The following SORCS1 variants were observed in gnomAD, a reference collection of about 807,000 sequenced individuals.
SORCS1 encodes VPS10 domain-containing receptor SorCS1.
Under a neutral mutation model 146.1 loss-of-function variants are expected in SORCS1, and 60 were observed. The observed-to-expected ratio is 0.41, with a 90% CI of 0.33 to 0.51. The LOEUF is 0.51. Ranked by LOEUF, SORCS1 falls within the 20% of genes least tolerant of loss-of-function variation. The pLI is 0.21. For synonymous variants in SORCS1, 637 were observed against 584.0 expected, an observed-to-expected ratio of 1.09 and a Z score of -1.31; for missense variants, 1,352 against 1,487.6, an observed-to-expected ratio of 0.91 and a Z score of 1.50.
intron 1 of SORCS1, among the ~76,000 whole-genome samples, chr10:107,089,558 G>A (rs1165835401): frequency 6.6e-6 from 1 of 152,072 alleles, no homozygotes; most frequent in African/African-American, 2.4e-5. Flanking sequence ...TCTCACTGCT[G>A]TATCCTCATC....
intron 5 of SORCS1, among the ~76,000 whole-genome samples, chr10:106,751,034 G>A: frequency 7.9e-6 from 1 of 127,034 alleles, no homozygotes; most frequent in Non-Finnish European, 1.6e-5. Flanking sequence ...ACTCCAGCCT[G>A]GGCGACAGGG....
chr10:106,715,668 T>G (rs1170728630), intron 6 of SORCS1, among the ~76,000 whole-genome samples: 1 of 152,200 alleles, frequency 6.6e-6, no homozygotes, highest in Non-Finnish European at 1.5e-5. Context: ...GGTATTTAAG[T>G]CCTCTCTCTG....
intron 24 of SORCS1, among the ~76,000 whole-genome samples, chr10:106,590,858 T>C (rs2133269556): frequency 6.6e-6 from 1 of 152,302 alleles, no homozygotes; most frequent in South Asian, 2.1e-4. Flanking sequence ...TTTCACCGTG[T>C]TGGTCAGGCT....
At chr10:106,710,089 TA>T in intron 6 of SORCS1, among the ~76,000 whole-genome samples, 1 of 152,318 alleles carries the variant, frequency 6.6e-6, no homozygotes, top group East Asian at 1.9e-4. Flanking sequence ...CATCTAATGA[TA>T]AAAATGATGT....
At chr10:106,920,643 C>T (rs920696571) in intron 2 of SORCS1, among the ~76,000 whole-genome samples, 7 of 152,164 alleles carry the variant, frequency 4.6e-5, no homozygotes, top group African/African-American at 1.4e-4. Context: ...CAACTTGCCG[C>T]CTTGCTCCAG....
intron 1 of SORCS1, among the ~76,000 whole-genome samples, chr10:107,029,076 C>T (rs1958530870): frequency 1.3e-5 from 2 of 152,162 alleles, no homozygotes; most frequent in Admixed American, 1.3e-4. Context: ...CTTAACTTTG[C>T]TTTAGTGGGA....
chr10:106,697,388 G>A (rs571678361), intron 9 of SORCS1, among the ~76,000 whole-genome samples: 3 of 151,932 alleles, frequency 2.0e-5, no homozygotes, highest in South Asian at 2.1e-4. Flanking sequence ...CCCAGGAGGC[G>A]GAGATTGCAG....
At chr10:106,697,749 C>T (rs1269174063) in intron 9 of SORCS1, among the ~76,000 whole-genome samples, 1 of 152,084 alleles carries the variant, frequency 6.6e-6, no homozygotes, top group East Asian at 1.9e-4. Context: ...ATATTTTAAG[C>T]AACGAAACTG....
At chr10:106,882,057 G>A (rs1170893774) in intron 2 of SORCS1, among the ~76,000 whole-genome samples, 1 of 152,252 alleles carries the variant, frequency 6.6e-6, no homozygotes, top group East Asian at 1.9e-4. Flanking sequence ...AGTTGCTTCT[G>A]AGTTATTATT....
chr10:106,735,362 T>C (rs191427246), intron 5 of SORCS1, among the ~76,000 whole-genome samples: 23 of 152,266 alleles, frequency 1.5e-4, no homozygotes, highest in African/African-American at 5.5e-4. Context: ...GCTACATAAT[T>C]ACTGCACTTA....
chr10:106,620,260 G>C, intron 20 of SORCS1, 168 bp downstream of exon 20: 1 of 743,246 alleles, frequency 1.3e-6, no homozygotes. Flanking sequence ...GAGAGAGAGA[G>C]AGAGAGAACA....
At chr10:106,708,686 T>C (rs1026159193) in intron 7 of SORCS1, among the ~76,000 whole-genome samples, 2 of 152,186 alleles carry the variant, frequency 1.3e-5, no homozygotes, top group African/African-American at 4.8e-5. Flanking sequence ...TTTATTCTAA[T>C]CACAGTTGGT....
At chr10:106,737,056 TGTGA>T (rs1857002958) in intron 5 of SORCS1, among the ~76,000 whole-genome samples, 1 of 9,594 alleles carries the variant, frequency 1.0e-4, no homozygotes, top group African/African-American at 1.7e-4. Context: ...TGTGTGTGCA[TGTGA>T]GTGTGTGTGT....
At chr10:107,162,023 G>A (rs1444150169) in intron 1 of SORCS1, among the ~76,000 whole-genome samples, 1 of 152,120 alleles carries the variant, frequency 6.6e-6, no homozygotes, top group Non-Finnish European at 1.5e-5. Context: ...AGACCTGCCT[G>A]CATGTTCAAT....
intron 2 of SORCS1, among the ~76,000 whole-genome samples, chr10:106,950,747 C>T (rs528238039): frequency 6.6e-5 from 10 of 152,164 alleles, no homozygotes; most frequent in East Asian, 1.9e-4. Context: ...AAGCAATGAA[C>T]GTATGGAGTT....
intron 1 of SORCS1, among the ~76,000 whole-genome samples, chr10:107,079,657 G>A (rs1963174243): frequency 6.6e-6 from 1 of 152,158 alleles, no homozygotes; most frequent in Non-Finnish European, 1.5e-5. Context: ...CCGAAAAATG[G>A]GTGATAAAAA....
At chr10:107,104,010 G>A (rs1406389184) in intron 1 of SORCS1, among the ~76,000 whole-genome samples, 1 of 152,194 alleles carries the variant, frequency 6.6e-6, no homozygotes, top group Non-Finnish European at 1.5e-5. Context: ...AGATTCGTCA[G>A]AACCTTTTTG....
At chr10:106,863,883 C>A (rs1031684809) in intron 2 of SORCS1, among the ~76,000 whole-genome samples, 1 of 151,842 alleles carries the variant, frequency 6.6e-6, no homozygotes, top group African/African-American at 2.4e-5. Context: ...TCCAGAGTCC[C>A]TTCCCTGGAT....
chr10:106,784,577 T>C (rs908840243), intron 3 of SORCS1, among the ~76,000 whole-genome samples: 2 of 152,148 alleles, frequency 1.3e-5, no homozygotes, highest in East Asian at 1.9e-4. Context: ...CACACTTCCA[T>C]CAACATTACA....
Sources: gnomAD v4.1 joint callset for allele counts (sites outside exome capture counted in the v4.1 genomes callset) on GRCh38, gnomAD v4.1.1 for gene constraint, MANE v1.5 for transcripts, NCBI Gene and HGNC (gene_info 2026-07-23, HGNC 2026-07-21) for gene names.